SUMF1: variants seen among roughly 807,000 people sequenced by gnomAD.
The protein encoded by SUMF1 is formylglycine-generating enzyme.
A neutral mutation model predicts 47.6 loss-of-function variants in SUMF1; 48 were observed. The observed-to-expected ratio is 1.01, with a 90% CI of 0.80 to 1.28. SUMF1 has a LOEUF of 1.28. Ranked by LOEUF, SUMF1 falls within the 50% of genes most tolerant of loss-of-function variation. The pLI, the probability that SUMF1 is intolerant of heterozygous loss-of-function variation, is 0.00. For missense variants in SUMF1, 571 were observed against 485.4 expected, an observed-to-expected ratio of 1.18 and a Z score of -1.66; for synonymous variants, 230 against 192.1, an observed-to-expected ratio of 1.20 and a Z score of -1.63.
downstream of SUMF1, among the ~76,000 whole-genome samples, chr3:4,359,879 C>A (rs760397488): frequency 1.3e-5 from 2 of 152,120 alleles, no homozygotes; most frequent in Admixed American, 1.3e-4. Flanking sequence ...TGGCCTCAAA[C>A]GATCCTCTCG....
In SUMF1 at chr3:4,241,714, T is replaced by G. The variant is rs192403901; in HGVS notation, c.1014+134616A>C. 4.6e-5 allele frequency among the ~76,000 whole-genome samples: 7 copies of G among 152,240 alleles called. No individual in the cohort carries two copies. The East Asian group carries it at 1.4e-3, about 29-fold the overall frequency. On this transcript the variant is annotated intron_variant and NMD_transcript_variant, in intron 8 of 12. Coordinates refer to the SUMF1 transcript ENST00000448413. The stretch of plus-strand genomic sequence containing the variant: ...GGTTCGTTGTCTCACACCAAGGGAA[T>G]TGAGGAAACAGATACCACGAGAAGT...
chr3:4,410,058 T>C (rs939205764), intron 7 of SUMF1, among the ~76,000 whole-genome samples: 2 of 152,218 alleles, frequency 1.3e-5, no homozygotes, highest in African/African-American at 4.8e-5. Flanking sequence ...ATATACATTC[T>C]TGGAACTGAC....
At chr3:4,456,222 A>G (rs758627172) in intron 1 of SUMF1, among the ~76,000 whole-genome samples, 1 of 152,178 alleles carries the variant, frequency 6.6e-6, no homozygotes, top group African/African-American at 2.4e-5. Flanking sequence ...GTACCTTAAC[A>G]TGAGTCATAT....
chr3:4,341,011 T>A (rs1269461269), intron 8 of SUMF1, among the ~76,000 whole-genome samples: 7 of 152,190 alleles, frequency 4.6e-5, no homozygotes, highest in African/African-American at 1.4e-4. Flanking sequence ...TTAGGAGATA[T>A]ACGTGCTGTA....
intron 8 of SUMF1, among the ~76,000 whole-genome samples, chr3:4,218,339 G>T (rs1388025769): frequency 6.6e-6 from 1 of 152,072 alleles, no homozygotes; most frequent in Non-Finnish European, 1.5e-5. Flanking sequence ...AAAATGCAAA[G>T]ATTTGACAAA....
intron 4 of SUMF1, 98 bp downstream of exon 4, chr3:4,419,966 T>A (rs1701837169): frequency 2.1e-6 from 2 of 942,298 alleles, no homozygotes; most frequent in East Asian, 5.0e-5. Flanking sequence ...TTCTTATCAT[T>A]TTATAGATGA....
chr3:4,313,664 T>A, intron 8 of SUMF1: 1 of 1,613,996 alleles, frequency 6.2e-7, no homozygotes. Context: ...TACTGCCCCG[T>A]AGAAAAGTCG....
At chr3:4,211,290 C>T (rs1173224597) in intron 8 of SUMF1, among the ~76,000 whole-genome samples, 1 of 146,280 alleles carries the variant, frequency 6.8e-6, no homozygotes, top group East Asian at 2.0e-4. Flanking sequence ...GCCTAGTACC[C>T]ATTAGTTATT....
At chr3:4,243,362 G>A (rs564937596) in intron 8 of SUMF1, among the ~76,000 whole-genome samples, 17 of 152,082 alleles carry the variant, frequency 1.1e-4, no homozygotes, top group Middle Eastern at 3.4e-3. Context: ...TTAGGCTGTC[G>A]ATTTTAGATC....
intron 8 of SUMF1, among the ~76,000 whole-genome samples, chr3:4,135,576 C>T (rs1693906080): frequency 6.6e-6 from 1 of 152,118 alleles, no homozygotes; most frequent in Non-Finnish European, 1.5e-5. Flanking sequence ...GACAGGGATG[C>T]CCTCTGTCAC....
At chr3:4,268,886 G>T (rs1301224448) in intron 8 of SUMF1, among the ~76,000 whole-genome samples, 2 of 152,110 alleles carry the variant, frequency 1.3e-5, no homozygotes, top group East Asian at 3.8e-4. Context: ...ATGTGTGTGT[G>T]TGTGCGTGTG....
chr3:4,142,577 CACAA>C (rs1203749382), intron 8 of SUMF1, among the ~76,000 whole-genome samples: 1 of 152,102 alleles, frequency 6.6e-6, no homozygotes, highest in East Asian at 1.9e-4. Flanking sequence ...TAGTACCTAA[CACAA>C]ACAGTTTTCT....
At chr3:4,458,870 G>A (rs2079737132) in intron 1 of SUMF1, among the ~76,000 whole-genome samples, 1 of 152,124 alleles carries the variant, frequency 6.6e-6, no homozygotes, top group African/African-American at 2.4e-5. Flanking sequence ...GAAAAAAAAA[G>A]AAGAAAACTC....
At chr3:4,371,339 T>C (rs879558493) in intron 8 of SUMF1, among the ~76,000 whole-genome samples, 1 of 152,226 alleles carries the variant, frequency 6.6e-6, no homozygotes, top group African/African-American at 2.4e-5. Flanking sequence ...TCTCCATGTC[T>C]GTGCTAAGAA....
intron 8 of SUMF1, among the ~76,000 whole-genome samples, chr3:4,110,130 T>A (rs551945494): frequency 6.6e-6 from 1 of 152,268 alleles, no homozygotes; most frequent in South Asian, 2.1e-4. Context: ...TGTTTGTTAG[T>A]TTTCCTTCTG....
rs112291094 is a variant in SUMF1 at position 4,193,293 on chromosome 3, G to C, written c.1015-124548C>G. ...AAAACCCTCCCAGCCATCACCCTTTGTGTCTCTTCATTTAGCTAGTCCTGA... is the reference window on the plus strand; with the variant it reads ...AAAACCCTCCCAGCCATCACCCTTTCTGTCTCTTCATTTAGCTAGTCCTGA... On this transcript the variant is annotated intron_variant and NMD_transcript_variant, in intron 8 of 12. Coordinates refer to the SUMF1 transcript ENST00000448413. Among the ~76,000 whole-genome samples, 65 of 151,526 alleles carry C rather than the reference G, an allele frequency of 4.3e-4. 4 individuals carry two copies. The highest frequency in any genetic ancestry group is 1.5e-3 in the African/African-American group (62 of 41,340).
intron 3 of SUMF1, among the ~76,000 whole-genome samples, chr3:4,436,724 T>C (rs1196173530): frequency 6.6e-6 from 1 of 151,376 alleles, no homozygotes; most frequent in Non-Finnish European, 1.5e-5. Flanking sequence ...GCAGAACTCA[T>C]GAAGGAGATT....
At chr3:4,055,963 T>G (rs1343820114) in intron 9 of SUMF1, among the ~76,000 whole-genome samples, 1 of 152,162 alleles carries the variant, frequency 6.6e-6, no homozygotes, top group Non-Finnish European at 1.5e-5. Context: ...AAGCCAGCAA[T>G]AACAGGCCAA....
intron 8 of SUMF1, chr3:4,317,466 T>C (rs751083988): frequency 8.3e-6 from 4 of 480,510 alleles, no homozygotes; most frequent in Non-Finnish European, 1.5e-5. Context: ...GCAGATCACT[T>C]GAGTCCAATT....
Sources: gnomAD v4.1 joint callset for allele counts (sites outside exome capture counted in the v4.1 genomes callset) on GRCh38, gnomAD v4.1.1 for gene constraint, MANE v1.5 for transcripts, NCBI Gene and HGNC (gene_info 2026-07-23, HGNC 2026-07-21) for gene names.